LRRC7: variants seen among roughly 807,000 people sequenced by gnomAD.
LRRC7 encodes the protein leucine-rich repeat-containing protein 7.
A neutral mutation model predicts 175.7 loss-of-function variants in LRRC7; 23 were observed. The ratio of observed to expected loss-of-function variants is 0.13; its 90% CI spans 0.09 to 0.19. The LOEUF is 0.19. LRRC7 is among the 10% of genes least tolerant of loss of function. The pLI, the probability that LRRC7 is intolerant of heterozygous loss-of-function variation, is 1.00. For missense variants in LRRC7, 1,354 were observed against 1,904.7 expected, an observed-to-expected ratio of 0.71 and a Z score of 5.38; for synonymous variants, 685 against 680.9, an observed-to-expected ratio of 1.01 and a Z score of -0.09.
intron 3 of LRRC7, among the ~76,000 whole-genome samples, chr1:69,781,544 G>A (rs1317258632): frequency 6.6e-6 from 1 of 150,664 alleles, no homozygotes; most frequent in Non-Finnish European, 1.5e-5. Context: ...TTAGCCAGGT[G>A]TGGTGTGCAC....
intron 23 of LRRC7, among the ~76,000 whole-genome samples, chr1:70,054,134 A>G (rs1660951934): frequency 6.6e-6 from 1 of 152,198 alleles, no homozygotes; most frequent in Non-Finnish European, 1.5e-5. Flanking sequence ...AACTAGAAAA[A>G]TTATCATACA....
intron 7 of LRRC7, among the ~76,000 whole-genome samples, chr1:69,917,892 T>C (rs886320453): frequency 1.3e-5 from 2 of 152,198 alleles, no homozygotes; most frequent in Non-Finnish European, 2.9e-5. Context: ...CAAAAAAATC[T>C]GTTGATTATA....
At chr1:69,788,704 T>C (rs1201294797) in intron 3 of LRRC7, among the ~76,000 whole-genome samples, 1 of 152,178 alleles carries the variant, frequency 6.6e-6, no homozygotes, top group Non-Finnish European at 1.5e-5. Flanking sequence ...GTGTCCATTT[T>C]TTCACACCTT....
At chr1:69,846,950 T>G (rs549456088) in intron 7 of LRRC7, among the ~76,000 whole-genome samples, 1 of 152,212 alleles carries the variant, frequency 6.6e-6, no homozygotes, top group South Asian at 2.1e-4. Flanking sequence ...GATGCTAACG[T>G]GCCTTTCTTA....
At chr1:70,045,608 G>A (rs999137072) in intron 22 of LRRC7, among the ~76,000 whole-genome samples, 1 of 152,074 alleles carries the variant, frequency 6.6e-6, no homozygotes, top group Non-Finnish European at 1.5e-5. Flanking sequence ...CTTTAAATAG[G>A]CACCTTTCTT....
chr1:69,568,729 A>G, intron 1 of LRRC7, 88 bp downstream of exon 1: 5 of 759,304 alleles, frequency 6.6e-6, no homozygotes, highest in Non-Finnish European at 7.0e-6. Context: ...GGGACCCCAG[A>G]GGCCGGCCGG....
intron 18 of LRRC7, among the ~76,000 whole-genome samples, chr1:70,029,783 G>C (rs537513656): frequency 2.2e-4 from 34 of 152,238 alleles, no homozygotes; most frequent in African/African-American, 8.2e-4. Flanking sequence ...TATAAAATAA[G>C]AGTCTAAAAT....
chr1:70,089,340 A>G (rs1663850781), intron 24 of LRRC7, among the ~76,000 whole-genome samples: 1 of 152,186 alleles, frequency 6.6e-6, no homozygotes, highest in Non-Finnish European at 1.5e-5. Flanking sequence ...GTTTTGTTTC[A>G]CTTATTCAGA....
intron 1 of LRRC7, among the ~76,000 whole-genome samples, chr1:69,603,924 A>G (rs1647194027): frequency 1.3e-5 from 2 of 152,094 alleles, no homozygotes; most frequent in African/African-American, 4.8e-5. Flanking sequence ...CATTTGTGAT[A>G]TTAAAAGATA....
At chr1:69,804,235 T>A (rs888423353) in intron 4 of LRRC7, among the ~76,000 whole-genome samples, 2 of 151,488 alleles carry the variant, frequency 1.3e-5, no homozygotes, top group African/African-American at 4.8e-5. Context: ...ATTTTTCAAA[T>A]GTTTCTTCTT....
At chr1:69,932,523 T>C (rs1045351581) in intron 8 of LRRC7, among the ~76,000 whole-genome samples, 2 of 152,196 alleles carry the variant, frequency 1.3e-5, no homozygotes, top group African/African-American at 4.8e-5. Context: ...TAACTCACAC[T>C]GTATTTTGAA....
At chr1:69,718,126 A>AGAG (rs1222860817) in intron 2 of LRRC7, among the ~76,000 whole-genome samples, 3 of 32,262 alleles carry the variant, frequency 9.3e-5, no homozygotes, top group Non-Finnish European at 5.1e-5. Context: ...AGAAAGAAAG[A>AGAG]AAAGAAAGAA....
At position 70,036,159 on chromosome 1, in the gene LRRC7, G is replaced by A; in HGVS notation, c.2034G>A (p.Gly678=). Residue 678 remains glycine, a synonymous_variant, in exon 19 of 27, where the codon GGG becomes GGA. Transcript: ENST00000651989. Reference sequence around the variant, plus strand: ...ATCCAGCTAATGAAATGAGGATTGGGGAACTTCACCCTTCATTAGCTGAGA... The same window carrying A: ...ATCCAGCTAATGAAATGAGGATTGGAGAACTTCACCCTTCATTAGCTGAGA... The part of the protein sequence containing the change: ...FVHPANEMRI[G]ELHPSLAETP... 5 of 1,613,106 alleles carry A rather than the reference G, an allele frequency of 3.1e-6. No individual in the cohort carries two copies. Among genetic ancestry groups the A allele is most frequent in the South Asian group, 1.1e-5 (1 of 90,966 alleles).
At chr1:69,769,694 A>G (rs1315081450) in intron 3 of LRRC7, among the ~76,000 whole-genome samples, 1 of 152,206 alleles carries the variant, frequency 6.6e-6, no homozygotes. Flanking sequence ...GGGATATTTA[A>G]CATGTATAAC....
intron 3 of LRRC7, among the ~76,000 whole-genome samples, chr1:69,767,623 A>AT (rs1380707013): frequency 6.6e-6 from 1 of 151,882 alleles, no homozygotes; most frequent in Non-Finnish European, 1.5e-5. Flanking sequence ...TGCCCAGATA[A>AT]TTTTTTATAG....
rs887972258 is a variant in LRRC7 at position 70,134,800 on chromosome 1, C to G, written c.*12913C>G. On this transcript the variant is annotated 3_prime_UTR_variant, in exon 27 of 27. Coordinates refer to ENST00000651989, the MANE Select transcript of LRRC7 (RefSeq NM_001370785.2). ...GGTTTGTTTACCAAGTGTTCTTCCT[C>G]TCTTTTCAGAGAAGTTAAATATCTC... Among the ~76,000 whole-genome samples, 2 of 152,212 alleles carry G rather than the reference C, an allele frequency of 1.3e-5. No individual in the cohort carries two copies. The highest frequency in any genetic ancestry group is 2.4e-5 in the African/African-American group (1 of 41,442).
chr1:69,901,337 G>C (rs1388623068), intron 7 of LRRC7, among the ~76,000 whole-genome samples: 1 of 152,206 alleles, frequency 6.6e-6, no homozygotes, highest in Non-Finnish European at 1.5e-5. Flanking sequence ...AAAAAGTTTA[G>C]AATAGCTTCC....
chr1:69,912,855 A>G (rs576943707), intron 7 of LRRC7, among the ~76,000 whole-genome samples: 1 of 152,322 alleles, frequency 6.6e-6, no homozygotes, highest in East Asian at 1.9e-4. Flanking sequence ...TTAAGGTACA[A>G]TTTTACAACT....
chr1:70,041,809 C>G (rs1327918602), intron 21 of LRRC7, among the ~76,000 whole-genome samples: 3 of 152,214 alleles, frequency 2.0e-5, no homozygotes, highest in South Asian at 4.1e-4. Context: ...TCTCCTTTGA[C>G]CCCAGCGACT....
Sources: allele counts gnomAD v4.1 joint callset (sites outside exome capture counted in the v4.1 genomes callset), GRCh38; gene constraint gnomAD v4.1.1; transcripts MANE v1.5; gene names NCBI Gene and HGNC (gene_info 2026-07-23, HGNC 2026-07-21).